The following SAMD12 variants were observed in gnomAD, a reference collection of about 807,000 sequenced individuals.
SAMD12 encodes sterile alpha motif domain containing 12.
SAMD12 carries 9 observed loss-of-function variants against 15.0 expected under a neutral mutation model. The ratio of observed to expected loss-of-function variants is 0.60; its 90% CI spans 0.36 to 1.05. SAMD12 has a LOEUF of 1.05. Among genes scored for constraint, SAMD12 ranks in the 50% least tolerant of loss-of-function variants. The pLI, the probability that SAMD12 is intolerant of heterozygous loss-of-function variation, is 0.01. For missense variants in SAMD12, 230 were observed against 234.2 expected, an observed-to-expected ratio of 0.98 and a Z score of 0.12; for synonymous variants, 86 against 90.1, an observed-to-expected ratio of 0.96 and a Z score of 0.25.
intron 4 of SAMD12, among the ~76,000 whole-genome samples, chr8:118,339,228 C>T (rs990175151): frequency 6.6e-6 from 1 of 152,186 alleles, no homozygotes; most frequent in East Asian, 1.9e-4. Flanking sequence ...ACTTGGGAGT[C>T]TGAGGCAGTA....
At chr8:118,308,770 T>C (rs958139579) in intron 4 of SAMD12, among the ~76,000 whole-genome samples, 1 of 152,094 alleles carries the variant, frequency 6.6e-6, no homozygotes, top group African/African-American at 2.4e-5. Flanking sequence ...ACTGCACAGA[T>C]GGCAAGTTCT....
chr8:118,417,097 G>C (rs895375432), intron 3 of SAMD12, among the ~76,000 whole-genome samples: 1 of 151,318 alleles, frequency 6.6e-6, no homozygotes, highest in African/African-American at 2.4e-5. Flanking sequence ...TTTGTTTTTT[G>C]GTTTTTTTTT....
chr8:118,593,703 GT>G (rs950893211), intron 1 of SAMD12, among the ~76,000 whole-genome samples: 1 of 152,040 alleles, frequency 6.6e-6, no homozygotes, highest in African/African-American at 2.4e-5. Context: ...AAGTCAATGT[GT>G]TTTTTTCTGT....
At chr8:118,221,411 G>T (rs978031564) in intron 4 of SAMD12, among the ~76,000 whole-genome samples, 1 of 152,180 alleles carries the variant, frequency 6.6e-6, no homozygotes, top group African/African-American at 2.4e-5. Flanking sequence ...CTATTTCCTT[G>T]TATTGCTAGA....
intron 4 of SAMD12, among the ~76,000 whole-genome samples, chr8:118,362,006 C>A (rs1170547187): frequency 6.7e-6 from 1 of 148,360 alleles, no homozygotes; most frequent in African/African-American, 2.5e-5. Flanking sequence ...TTGTCCCTGA[C>A]AAAGAAGCAG....
At chr8:118,213,454 C>T (rs1811886244) in intron 4 of SAMD12, among the ~76,000 whole-genome samples, 3 of 152,216 alleles carry the variant, frequency 2.0e-5, no homozygotes, top group Admixed American at 1.3e-4. Flanking sequence ...CGCAGCTGAA[C>T]AAGCAGCCAA....
chr8:118,423,048 T>C (rs1335003378), intron 3 of SAMD12, among the ~76,000 whole-genome samples: 3 of 152,108 alleles, frequency 2.0e-5, no homozygotes, highest in Non-Finnish European at 4.4e-5. Flanking sequence ...AGTGTGGTAG[T>C]GTGCGCCTGT....
intron 1 of SAMD12, 84 bp from the exon 2 acceptor site, chr8:118,580,977 T>A: frequency 1.8e-6 from 2 of 1,107,172 alleles, no homozygotes; most frequent in Non-Finnish European, 1.3e-6. Context: ...CAAGCCTAAG[T>A]AGGAAAAAAA....
intron 2 of SAMD12, among the ~76,000 whole-genome samples, chr8:118,553,113 A>G (rs1257026753): frequency 3.3e-5 from 5 of 151,572 alleles, no homozygotes; most frequent in Non-Finnish European, 5.9e-5. Context: ...TGCCCAAGGT[A>G]ATTTACAGAT....
intron 4 of SAMD12, among the ~76,000 whole-genome samples, chr8:118,222,766 A>G (rs113116569): frequency 0.017 from 2,595 of 152,056 alleles, 33 homozygotes; most frequent in Non-Finnish European, 0.025. Context: ...CAGCCTCCCA[A>G]AGCGCTGGGA....
chr8:118,534,455 T>C (rs904681451), intron 2 of SAMD12, among the ~76,000 whole-genome samples: 3 of 152,160 alleles, frequency 2.0e-5, no homozygotes, highest in Admixed American at 6.5e-5. Context: ...ATCTCTGTGG[T>C]GTTCTCTGTG....
intron 1 of SAMD12, among the ~76,000 whole-genome samples, chr8:118,585,001 G>C (rs541184954): frequency 1.3e-5 from 2 of 151,934 alleles, no homozygotes; most frequent in African/African-American, 4.8e-5. Context: ...ATATTTGTAT[G>C]CTCATGTACA....
intron 2 of SAMD12, among the ~76,000 whole-genome samples, chr8:118,565,009 G>A (rs1826807972): frequency 6.6e-6 from 1 of 152,170 alleles, no homozygotes; most frequent in South Asian, 2.1e-4. Flanking sequence ...CCACTATCTA[G>A]AACTAGTCGT....
chr8:118,423,913 T>TA (rs1822132292), intron 3 of SAMD12, among the ~76,000 whole-genome samples: 1 of 152,204 alleles, frequency 6.6e-6, no homozygotes, highest in Non-Finnish European at 1.5e-5. Context: ...TTTTAAGATA[T>TA]ATGGTTTTCC....
At chr8:118,202,373 CTG>C (rs1229985584) in intron 4 of SAMD12, among the ~76,000 whole-genome samples, 1 of 152,190 alleles carries the variant, frequency 6.6e-6, no homozygotes, top group Non-Finnish European at 1.5e-5. Flanking sequence ...AGGCAGATAA[CTG>C]TCTTCCTGCT....
intron 2 of SAMD12, among the ~76,000 whole-genome samples, chr8:118,552,848 T>G (rs1276324352): frequency 6.6e-6 from 1 of 151,794 alleles, no homozygotes; most frequent in African/African-American, 2.4e-5. Flanking sequence ...GGATACAAAA[T>G]CAATGTACAA....
intron 4 of SAMD12, among the ~76,000 whole-genome samples, chr8:118,333,330 C>T (rs1171676796): frequency 1.4e-4 from 21 of 152,142 alleles, no homozygotes. Context: ...GCGCTCCAAC[C>T]TCATTGAAAA....
intron 2 of SAMD12, among the ~76,000 whole-genome samples, chr8:118,503,758 C>T (rs1016336827): frequency 1.3e-5 from 2 of 152,174 alleles, no homozygotes; most frequent in African/African-American, 2.4e-5. Context: ...CTGTTAGAAC[C>T]ACCACCTCTT....
intron 4 of SAMD12, among the ~76,000 whole-genome samples, chr8:118,206,874 A>C (rs11562710): frequency 1.3e-5 from 2 of 152,196 alleles, no homozygotes; most frequent in African/African-American, 4.8e-5. Flanking sequence ...GTGAACCTTA[A>C]GTTCCTTCAG....
Sources: allele counts gnomAD v4.1 joint callset (sites outside exome capture counted in the v4.1 genomes callset), GRCh38; gene constraint gnomAD v4.1.1; transcripts MANE v1.5; gene names NCBI Gene and HGNC (gene_info 2026-07-23, HGNC 2026-07-21).